Variants in CEP112 observed in about 807,000 individuals in gnomAD.
CEP112 encodes the protein centrosomal protein 112, also known as centrosomal protein of 112 kDa.
Under a neutral mutation model 153.0 loss-of-function variants are expected in CEP112, and 127 were observed. The observed-to-expected ratio is 0.83, with a 90% CI of 0.72 to 0.96. The LOEUF (loss-of-function observed/expected upper bound fraction) is 0.96, where lower values mean the gene tolerates loss of function less well. Ranked by LOEUF, CEP112 falls within the 40% of genes least tolerant of loss-of-function variation. The pLI, the probability that CEP112 is intolerant of heterozygous loss-of-function variation, is 0.00. For missense variants in CEP112, 1,089 were observed against 1,101.2 expected, an observed-to-expected ratio of 0.99 and a Z score of 0.16; for synonymous variants, 358 against 374.4, an observed-to-expected ratio of 0.96 and a Z score of 0.51.
At chr17:66,159,152 A>G (rs1231757419) in intron 4 of CEP112, among the ~76,000 whole-genome samples, 1 of 152,218 alleles carries the variant, frequency 6.6e-6, no homozygotes, top group Non-Finnish European at 1.5e-5. Flanking sequence ...TAAACCAGGA[A>G]GAAGTCAAAA....
intron 18 of CEP112, among the ~76,000 whole-genome samples, chr17:65,937,028 G>T (rs1038390782): frequency 6.7e-6 from 1 of 149,242 alleles, no homozygotes; most frequent in African/African-American, 2.5e-5. Flanking sequence ...GTGTTGGCCG[G>T]GCTGGTCTCC....
chr17:65,879,779 T>G (rs916510006), intron 20 of CEP112, among the ~76,000 whole-genome samples: 1 of 148,146 alleles, frequency 6.8e-6, no homozygotes, highest in Admixed American at 6.7e-5. Flanking sequence ...TTTAAAAATA[T>G]GATTCCAGCA....
chr17:65,891,208 G>T (rs1399922516), intron 20 of CEP112, among the ~76,000 whole-genome samples: 1 of 152,104 alleles, frequency 6.6e-6, no homozygotes, highest in African/African-American at 2.4e-5. Flanking sequence ...CAGGTTTATA[G>T]AGCCAGTAAA....
intron 24 of CEP112, among the ~76,000 whole-genome samples, chr17:65,668,663 T>C (rs78244065): frequency 0.014 from 2,180 of 152,280 alleles, 14 homozygotes; most frequent in East Asian, 0.041. Flanking sequence ...TGAGGTACTT[T>C]CCCTTCTTTC....
chr17:65,699,645 G>A (rs147933161), intron 23 of CEP112, among the ~76,000 whole-genome samples: 154 of 152,072 alleles, frequency 1.0e-3, no homozygotes, highest in African/African-American at 3.7e-3. Context: ...AAGAGATGGG[G>A]GTCTCACTAT....
At chr17:65,996,314 C>T (rs2063790568) in intron 17 of CEP112, among the ~76,000 whole-genome samples, 1 of 150,564 alleles carries the variant, frequency 6.6e-6, no homozygotes, top group African/African-American at 2.5e-5. Flanking sequence ...TGTAATAAAC[C>T]TGCACATGCA....
chr17:65,796,124 G>C (rs1598609225), intron 21 of CEP112, among the ~76,000 whole-genome samples: 1 of 152,076 alleles, frequency 6.6e-6, no homozygotes, highest in African/African-American at 2.4e-5. Flanking sequence ...TCTCTCCCAA[G>C]CTTTCTCAGA....
intron 18 of CEP112, among the ~76,000 whole-genome samples, chr17:65,930,929 C>A (rs1041667959): frequency 2.6e-5 from 4 of 152,062 alleles, no homozygotes; most frequent in African/African-American, 9.7e-5. Context: ...GTTCTTTAAT[C>A]CCACTAACTG....
intron 6 of CEP112, among the ~76,000 whole-genome samples, chr17:66,117,287 G>A (rs1303818273): frequency 1.3e-5 from 2 of 151,990 alleles, no homozygotes; most frequent in Non-Finnish European, 2.9e-5. Flanking sequence ...GAAATTATTA[G>A]TCACTCTGAT....
intron 18 of CEP112, among the ~76,000 whole-genome samples, chr17:65,955,898 A>G (rs2061986490): frequency 6.6e-6 from 1 of 152,318 alleles, no homozygotes; most frequent in East Asian, 1.9e-4. Flanking sequence ...CAATGCAATA[A>G]TAGTGGGGGA....
chr17:66,125,063 A>C (rs1197688743), intron 6 of CEP112, among the ~76,000 whole-genome samples: 1 of 152,226 alleles, frequency 6.6e-6, no homozygotes, highest in Non-Finnish European at 1.5e-5. Flanking sequence ...ATTTAAAAAA[A>C]CACTTAAAAT....
intron 9 of CEP112, among the ~76,000 whole-genome samples, chr17:66,068,864 A>G (rs2067212781): frequency 1.3e-5 from 2 of 152,020 alleles, no homozygotes. Flanking sequence ...TATTGAAATT[A>G]TATTACTGAC....
chr17:66,146,289 T>C (rs939978587), intron 4 of CEP112, among the ~76,000 whole-genome samples: 2 of 152,070 alleles, frequency 1.3e-5, no homozygotes, highest in African/African-American at 4.8e-5. Flanking sequence ...TTCAATTTCT[T>C]TGGTATATAT....
intron 8 of CEP112, among the ~76,000 whole-genome samples, chr17:66,086,680 A>G (rs2067951091): frequency 6.6e-6 from 1 of 151,816 alleles, no homozygotes; most frequent in Non-Finnish European, 1.5e-5. Flanking sequence ...TACAGGCGTG[A>G]GCCACCGTGC....
intron 21 of CEP112, among the ~76,000 whole-genome samples, chr17:65,784,722 G>A (rs1466113001): frequency 2.0e-5 from 3 of 152,076 alleles, no homozygotes; most frequent in Non-Finnish European, 4.4e-5. Context: ...CTCATGATCC[G>A]CCTGCCTCGG....
At chr17:65,988,198 A>C (rs192874787) in intron 17 of CEP112, among the ~76,000 whole-genome samples, 14 of 152,332 alleles carry the variant, frequency 9.2e-5, no homozygotes, top group Middle Eastern at 6.8e-3. Context: ...CCTGGGCTTA[A>C]GGTGCCATCT....
chr17:65,746,185 A>G (rs948624987), intron 22 of CEP112, among the ~76,000 whole-genome samples: 1 of 149,996 alleles, frequency 6.7e-6, no homozygotes, highest in African/African-American at 2.5e-5. Flanking sequence ...AAAAAAAAAA[A>G]AAAGAAAAGA....
At chr17:65,857,211 G>T (rs1432667389) in intron 20 of CEP112, among the ~76,000 whole-genome samples, 1 of 152,104 alleles carries the variant, frequency 6.6e-6, no homozygotes, top group Non-Finnish European at 1.5e-5. Context: ...ACTAAAGACA[G>T]AAACTTTAAA....
chr17:65,914,037 T>G (rs2060382558), intron 19 of CEP112: 1 of 191,774 alleles, frequency 5.2e-6, no homozygotes, highest in South Asian at 1.8e-4. Flanking sequence ...TCAAAAGGGT[T>G]TTTTTTTCAT....
Sources: allele counts gnomAD v4.1 joint callset (sites outside exome capture counted in the v4.1 genomes callset), GRCh38; gene constraint gnomAD v4.1.1; transcripts MANE v1.5; gene names NCBI Gene and HGNC (gene_info 2026-07-23, HGNC 2026-07-21).